Variants in SLC24A3 observed in about 807,000 individuals in gnomAD.
SLC24A3 encodes the protein sodium/potassium/calcium exchanger 3.
SLC24A3 carries 28 observed loss-of-function variants against 75.8 expected under a neutral mutation model. That is an observed-to-expected ratio of 0.37 (90% confidence interval 0.27 to 0.51). SLC24A3 has a LOEUF of 0.51. SLC24A3 is among the 20% of genes least tolerant of loss of function. SLC24A3 has a pLI of 0.94. For synonymous variants in SLC24A3, 372 were observed against 334.1 expected (o/e 1.11, Z -1.24); for missense variants, 663 against 847.8 (o/e 0.78, Z 2.71).
chr20:19,342,078 A>T (rs1021350242), intron 2 of SLC24A3, among the ~76,000 whole-genome samples: 4 of 152,352 alleles, frequency 2.6e-5, no homozygotes, highest in Admixed American at 1.3e-4. Flanking sequence ...TGATATGGAA[A>T]CTTAAGGTGG....
At chr20:19,459,196 A>G (rs1425878778) in intron 2 of SLC24A3, among the ~76,000 whole-genome samples, 3 of 152,232 alleles carry the variant, frequency 2.0e-5, no homozygotes, top group Non-Finnish European at 4.4e-5. Context: ...AATGGAAAAT[A>G]TATACATACA....
At chr20:19,330,053 C>A (rs560620222) in intron 2 of SLC24A3, among the ~76,000 whole-genome samples, 4 of 152,330 alleles carry the variant, frequency 2.6e-5, no homozygotes, top group Non-Finnish European at 5.9e-5. Context: ...ACATCACAGA[C>A]CATTTTACAC....
chr20:19,683,011 G>A (rs2032632818), intron 10 of SLC24A3, among the ~76,000 whole-genome samples: 1 of 150,254 alleles, frequency 6.7e-6, no homozygotes, highest in South Asian at 2.1e-4. Flanking sequence ...TTTTTTCTTG[G>A]TCCCATATGG....
chr20:19,562,869 A>G (rs6112464), intron 3 of SLC24A3, among the ~76,000 whole-genome samples: 14,416 of 152,140 alleles, frequency 0.095, 821 homozygotes, highest in African/African-American at 0.15. Flanking sequence ...AACACATCCT[A>G]TGGGATTAGG....
chr20:19,607,912 C>T (rs143809986), intron 6 of SLC24A3, among the ~76,000 whole-genome samples: 406 of 152,352 alleles, frequency 2.7e-3, no homozygotes, highest in African/African-American at 9.1e-3. Flanking sequence ...TGTCTTTCCC[C>T]TGTCCATATC....
chr20:19,599,922 T>C (rs775381970), intron 6 of SLC24A3, among the ~76,000 whole-genome samples: 38 of 152,164 alleles, frequency 2.5e-4, no homozygotes, highest in Non-Finnish European at 3.8e-4. Flanking sequence ...GAGATTCTTC[T>C]ATGACCCGCG....
intron 6 of SLC24A3, among the ~76,000 whole-genome samples, chr20:19,599,893 T>A (rs920025050): frequency 2.0e-5 from 3 of 152,142 alleles, no homozygotes; most frequent in African/African-American, 7.2e-5. Flanking sequence ...GGAGGAAAGC[T>A]TGAGAGGGGA....
Position 19,685,299 on chromosome 20 carries a change from A to C in SLC24A3, c.1262A>C (p.Asp421Ala). The C allele has an allele frequency of 6.2e-7, 1 of 1,614,140 alleles. No individual in the cohort carries two copies. Reference sequence around the variant, plus strand: ...AATGAAAATGAGGACAATGAGAATGATGAGGAGGAAGAGGAGGACGAGGAT... The same window carrying C: ...AATGAAAATGAGGACAATGAGAATGCTGAGGAGGAAGAGGAGGACGAGGAT... ...TENENEDNENDEEEEEDEDDD... is the reference protein window; with the variant it reads ...TENENEDNENAEEEEEDEDDD... Residue 421 changes from aspartate (D) to alanine (A), a missense_variant, in exon 12 of 17, where the codon GAT becomes GCT. By Grantham distance (126) the Asp-to-Ala change is moderately radical. Transcript: ENST00000328041.
chr20:19,691,139 A>G (rs2032740575), intron 12 of SLC24A3, among the ~76,000 whole-genome samples: 1 of 152,238 alleles, frequency 6.6e-6, no homozygotes, highest in African/African-American at 2.4e-5. Flanking sequence ...AACAACCCTG[A>G]TGGTTTAAGA....
chr20:19,239,309 GC>G (rs1411080983), intron 1 of SLC24A3, among the ~76,000 whole-genome samples: 2 of 152,144 alleles, frequency 1.3e-5, no homozygotes, highest in Non-Finnish European at 2.9e-5. Context: ...AACAGGTGAT[GC>G]GTTTTCTAAA....
chr20:19,330,145 C>T (rs1984966390), intron 2 of SLC24A3, among the ~76,000 whole-genome samples: 1 of 152,210 alleles, frequency 6.6e-6, no homozygotes, highest in Admixed American at 6.5e-5. Flanking sequence ...AGGACGGAAC[C>T]ATCTTAGTTG....
chr20:19,274,653 G>A (rs897848445), intron 1 of SLC24A3, among the ~76,000 whole-genome samples: 8 of 152,178 alleles, frequency 5.3e-5, no homozygotes, highest in Non-Finnish European at 8.8e-5. Flanking sequence ...CCTGTACGAA[G>A]CCAGGGCCTC....
chr20:19,361,480 G>T (rs1160258200), intron 2 of SLC24A3, among the ~76,000 whole-genome samples: 1 of 152,206 alleles, frequency 6.6e-6, no homozygotes, highest in East Asian at 1.9e-4. Flanking sequence ...TCCTAAGGAA[G>T]TGACAGTGGG....
intron 2 of SLC24A3, among the ~76,000 whole-genome samples, chr20:19,475,714 T>C (rs920777406): frequency 5.3e-5 from 8 of 152,234 alleles, no homozygotes; most frequent in African/African-American, 1.9e-4. Context: ...AATTAGTATG[T>C]GTTCTTGGGT....
At chr20:19,492,128 T>C (rs1198308558) in intron 2 of SLC24A3, among the ~76,000 whole-genome samples, 1 of 152,192 alleles carries the variant, frequency 6.6e-6, no homozygotes, top group Non-Finnish European at 1.5e-5. Flanking sequence ...ATCTACCTTT[T>C]GATAGGAAAC....
intron 2 of SLC24A3, among the ~76,000 whole-genome samples, chr20:19,506,505 C>T (rs991070400): frequency 2.6e-5 from 4 of 152,240 alleles, no homozygotes; most frequent in Non-Finnish European, 4.4e-5. Context: ...GAAAGTTGGA[C>T]CCTAGTTTGA....
chr20:19,422,961 A>G (rs1986942397), intron 2 of SLC24A3, among the ~76,000 whole-genome samples: 1 of 152,252 alleles, frequency 6.6e-6, no homozygotes, highest in Non-Finnish European at 1.5e-5. Context: ...GTCGCTTATC[A>G]GTGTCACCTC....
intron 1 of SLC24A3, among the ~76,000 whole-genome samples, chr20:19,237,587 C>T (rs1982201496): frequency 6.6e-6 from 1 of 152,154 alleles, no homozygotes; most frequent in African/African-American, 2.4e-5. Context: ...CAGGGCCAGG[C>T]TGGAATCTGG....
chr20:19,229,158 A>G (rs1981947416), intron 1 of SLC24A3, among the ~76,000 whole-genome samples: 1 of 144,222 alleles, frequency 6.9e-6, no homozygotes, highest in East Asian at 2.0e-4. Context: ...CAAAATTATG[A>G]AGTACTTTTT....
Sources: allele counts gnomAD v4.1 joint callset (sites outside exome capture counted in the v4.1 genomes callset), GRCh38; gene constraint gnomAD v4.1.1; transcripts MANE v1.5; gene names NCBI Gene and HGNC (gene_info 2026-07-23, HGNC 2026-07-21).